PTPRA: variants seen among roughly 807,000 people sequenced by gnomAD.
The protein encoded by PTPRA is receptor-type tyrosine-protein phosphatase alpha.
PTPRA carries 25 observed loss-of-function variants against 104.8 expected under a neutral mutation model. The observed-to-expected ratio is 0.24, with a 90% CI of 0.17 to 0.33. The LOEUF is 0.33. PTPRA is among the 10% of genes least tolerant of loss of function. PTPRA has a pLI of 1.00. For missense variants in PTPRA, 765 were observed against 1,015.3 expected, an observed-to-expected ratio of 0.75 and a Z score of 3.35; for synonymous variants, 323 against 368.9, an observed-to-expected ratio of 0.88 and a Z score of 1.43.
intron 1 of PTPRA, among the ~76,000 whole-genome samples, chr20:2,879,567 C>T (rs1215418204): frequency 1.3e-5 from 2 of 152,094 alleles, no homozygotes; most frequent in Non-Finnish European, 1.5e-5. Flanking sequence ...TGCAAATGCC[C>T]CACCCGCAGC....
intron 1 of PTPRA, among the ~76,000 whole-genome samples, chr20:2,892,087 C>T (rs189894045): frequency 1.3e-5 from 2 of 151,774 alleles, no homozygotes; most frequent in Non-Finnish European, 1.5e-5. Flanking sequence ...GTTAGGAGCT[C>T]GAGACCAGCC....
chr20:2,983,586 A>T (rs570580031), intron 6 of PTPRA, among the ~76,000 whole-genome samples: 10 of 150,588 alleles, frequency 6.6e-5, no homozygotes, highest in Admixed American at 6.0e-4. Flanking sequence ...AAAAAAAAAA[A>T]AGGCAGACAG....
chr20:2,970,966 A>G (rs546889641), intron 5 of PTPRA, among the ~76,000 whole-genome samples: 2 of 152,268 alleles, frequency 1.3e-5, no homozygotes, highest in South Asian at 4.1e-4. Flanking sequence ...TATCTTATAT[A>G]TTGAATTCAG....
chr20:2,873,234 A>C (rs2089472845), upstream of PTPRA, among the ~76,000 whole-genome samples: 1 of 152,116 alleles, frequency 6.6e-6, no homozygotes. The surrounding 1 kb of genome is among the most constrained non-coding windows in gnomAD (Gnocchi z 4.4). Flanking sequence ...AGAATGGCTG[A>C]AGGCACTGGT....
intron 20 of PTPRA, 30 bp downstream of exon 20, chr20:3,027,871 G>T (rs923745925): frequency 1.9e-6 from 3 of 1,609,892 alleles, no homozygotes; most frequent in Non-Finnish European, 2.5e-6. Context: ...GGTGGTGAGA[G>T]ACAGAGACAG....
chr20:3,024,584 C>T lies in PTPRA; in HGVS notation c.1577C>T (p.Pro526Leu). ...CTGCAGAAAATTTACAACAAAATCC[C>T]AGGGACCAGCAACAATGGATTAGAG... Reference protein sequence around the residue: ...THLQKIYNKIPGTSNNGLEEE... With the variant: ...THLQKIYNKILGTSNNGLEEE... Residue 526 changes from proline (P) to leucine (L), a missense_variant, in exon 17 of 24, where the codon CCA (proline) becomes CTA (leucine). Transcript: ENST00000399903. 1.2e-6 allele frequency: 2 copies of T among 1,614,130 alleles called. No individual in the cohort carries two copies. The highest frequency in any genetic ancestry group is 1.7e-6 in the Non-Finnish European group (2 of 1,180,016).
intron 2 of PTPRA, among the ~76,000 whole-genome samples, chr20:2,947,111 G>A (rs2061164636): frequency 6.6e-6 from 1 of 152,102 alleles, no homozygotes; most frequent in Admixed American, 6.5e-5. Context: ...TGCTTTGAAG[G>A]AACTTGGACT....
intron 6 of PTPRA, among the ~76,000 whole-genome samples, chr20:2,980,462 G>A (rs867559885): frequency 1.3e-5 from 2 of 151,986 alleles, no homozygotes; most frequent in Middle Eastern, 3.2e-3. Context: ...GCTAAGGTGT[G>A]AGGATCGCTC....
intron 1 of PTPRA, among the ~76,000 whole-genome samples, chr20:2,894,371 G>C (rs1022724775): frequency 1.3e-4 from 20 of 152,146 alleles, no homozygotes. Flanking sequence ...ACCCAAATAC[G>C]TTTTTCAAGG....
chr20:2,921,612 C>T (rs186437465), intron 1 of PTPRA, among the ~76,000 whole-genome samples: 48 of 152,052 alleles, frequency 3.2e-4, no homozygotes, highest in African/African-American at 7.2e-5. Context: ...AATGTGAATG[C>T]GCACTCCATT....
At chr20:2,929,493 C>T (rs2060431145) in intron 2 of PTPRA, among the ~76,000 whole-genome samples, 1 of 152,076 alleles carries the variant, frequency 6.6e-6, no homozygotes, top group Non-Finnish European at 1.5e-5. Context: ...ATTTTATGTA[C>T]TGATATTTAA....
chr20:2,930,959 CTT>C (rs1357163550), intron 2 of PTPRA, among the ~76,000 whole-genome samples: 4 of 152,136 alleles, frequency 2.6e-5, no homozygotes, highest in Non-Finnish European at 5.9e-5. Context: ...CCATTGAAAA[CTT>C]TGAGCAGGAT....
intron 1 of PTPRA, among the ~76,000 whole-genome samples, chr20:2,902,858 T>TA (rs1369099277): frequency 6.6e-6 from 1 of 152,196 alleles, no homozygotes; most frequent in African/African-American, 2.4e-5. Context: ...ACTGGCCCGT[T>TA]AAAGCCAACC....
At chr20:3,026,639 G>A (rs1459840340) in intron 17 of PTPRA, 48 bp from the exon 18 acceptor site, 1 of 1,462,572 alleles carries the variant, frequency 6.8e-7, no homozygotes, top group South Asian at 1.1e-5. Context: ...ATCTTGTCAA[G>A]TTCAGTTACT....
intron 1 of PTPRA, among the ~76,000 whole-genome samples, chr20:2,920,220 G>A (rs1217875340): frequency 6.6e-6 from 1 of 152,196 alleles, no homozygotes; most frequent in Admixed American, 6.5e-5. Context: ...AGGTACTTGT[G>A]AATATGCAGG....
At position 2,878,510 on chromosome 20, in the gene PTPRA, A is replaced by T. The variant is rs184261351; in HGVS notation, c.-129+4750A>T. 1.9e-3 allele frequency among the ~76,000 whole-genome samples: 288 copies of T among 152,202 alleles called. 1 individual carries two copies. The highest frequency in any genetic ancestry group is 3.3e-3 in the Non-Finnish European group (226 of 67,968). On this transcript the variant is annotated intron_variant, in intron 1 of 23. Coordinates refer to ENST00000399903, the MANE Select transcript of PTPRA (RefSeq NM_001385305.1). ...CAGGTGTGAGCCACCACTCTCAGCCAACAGCTGTAGTTGGTGCAATCCTTT... is the reference window on the plus strand; with the variant it reads ...CAGGTGTGAGCCACCACTCTCAGCCTACAGCTGTAGTTGGTGCAATCCTTT...
Position 3,022,899 on chromosome 20 carries a change from A to C in PTPRA, c.1464+75A>C, listed in dbSNP as rs2064949958. 7 of 1,593,966 alleles carry C rather than the reference A, an allele frequency of 4.4e-6. No individual in the cohort carries two copies. The South Asian group carries it at 6.8e-5, about 15-fold the overall frequency. On this transcript the variant is annotated intron_variant, in intron 16 of 23. Transcript: ENST00000399903. This position sits in a 1 kb window ranked among gnomAD's most constrained non-coding sequence, Gnocchi z 4.6. Reference sequence around the variant, plus strand: ...ATCTGCCCACATTGAGGATTCACTCAGTCTCACAGGTTATTGTAAATGATT... The same window carrying C: ...ATCTGCCCACATTGAGGATTCACTCCGTCTCACAGGTTATTGTAAATGATT...
At chr20:2,980,537 G>C (rs1222989489) in intron 6 of PTPRA, among the ~76,000 whole-genome samples, 1 of 151,636 alleles carries the variant, frequency 6.6e-6, no homozygotes, top group African/African-American at 2.4e-5. Context: ...GTGACGGAGT[G>C]AGACTCCGTC....
intron 2 of PTPRA, among the ~76,000 whole-genome samples, chr20:2,933,468 G>GT (rs562357817): frequency 0.026 from 3,882 of 146,730 alleles, 123 homozygotes; most frequent in African/African-American, 0.069. Context: ...GGTTGGTTGG[G>GT]TTTTTTTTTT....
Sources: gnomAD v4.1 joint callset for allele counts (sites outside exome capture counted in the v4.1 genomes callset) on GRCh38, gnomAD v4.1.1 for gene constraint, Gnocchi (gnomAD v3.1) non-coding constraint, MANE v1.5 for transcripts, NCBI Gene and HGNC (gene_info 2026-07-23, HGNC 2026-07-21) for gene names.